PDE11A: variants seen among roughly 807,000 people sequenced by gnomAD.
PDE11A encodes dual 3',5'-cyclic-AMP and -GMP phosphodiesterase 11A.
A neutral mutation model predicts 100.5 loss-of-function variants in PDE11A; 100 were observed. That is an observed-to-expected ratio of 1.00 (90% CI 0.85 to 1.18). The LOEUF is 1.18. PDE11A is among the 50% of genes most tolerant of loss of function. PDE11A has a pLI of 0.00. For synonymous variants in PDE11A, 381 were observed against 420.8 expected, an observed-to-expected ratio of 0.91 and a Z score of 1.16; for missense variants, 1,141 against 1,152.6, an observed-to-expected ratio of 0.99 and a Z score of 0.15.
intron 18 of PDE11A, among the ~76,000 whole-genome samples, chr2:177,665,723 G>A (rs532713514): frequency 6.6e-6 from 1 of 151,512 alleles, no homozygotes; most frequent in Admixed American, 6.6e-5. Flanking sequence ...TGGGTGTGGT[G>A]GTGGGCACCT....
At chr2:177,636,309 T>G (rs2080037379) in intron 19 of PDE11A, among the ~76,000 whole-genome samples, 1 of 152,186 alleles carries the variant, frequency 6.6e-6, no homozygotes, top group South Asian at 2.1e-4. Flanking sequence ...ACACTTGGTA[T>G]CACTGAAGCA....
rs113871611 is a variant in PDE11A at position 177,824,097 on chromosome 2, G to GT, written c.1501-3803dup. On this transcript the variant is annotated intron_variant, in intron 6 of 19. Coordinates refer to ENST00000286063, the MANE Select transcript of PDE11A (RefSeq NM_016953.4). ...TAAAGTACTACAGTTCCCCAAAAGA[G>GT]TTTTTTTTTTTCTTCTGGGAAAGTG... Among the ~76,000 whole-genome samples, 1,402 of 148,674 alleles carry GT rather than the reference G, an allele frequency of 9.4e-3. 12 individuals carry two copies. The highest frequency in any genetic ancestry group is 0.06 in the East Asian group (306 of 5,126).
chr2:178,096,899 T>C (rs2087499404), intron 2 of PDE11A, among the ~76,000 whole-genome samples: 1 of 152,148 alleles, frequency 6.6e-6, no homozygotes, highest in African/African-American at 2.4e-5. Flanking sequence ...ATTTTGTTTT[T>C]TTTTTAAGAC....
At chr2:178,000,206 C>T (rs2086126923) in intron 2 of PDE11A, among the ~76,000 whole-genome samples, 1 of 123,988 alleles carries the variant, frequency 8.1e-6, no homozygotes, top group Non-Finnish European at 1.8e-5. Flanking sequence ...TTCATTTCTG[C>T]CTTCAATTCA....
intron 1 of PDE11A, among the ~76,000 whole-genome samples, chr2:178,048,662 G>T (rs1203308457): frequency 1.3e-5 from 2 of 152,098 alleles, no homozygotes; most frequent in African/African-American, 4.8e-5. Flanking sequence ...AAAGGGACAG[G>T]CCCCTTGCAT....
intron 13 of PDE11A, 126 bp from the exon 14 acceptor site, chr2:177,701,337 C>T (rs1336292677): frequency 1.4e-6 from 1 of 702,178 alleles, no homozygotes; most frequent in African/African-American, 1.8e-5. Flanking sequence ...TAGGTAACTG[C>T]TTTTGTAGTC....
intron 9 of PDE11A, among the ~76,000 whole-genome samples, chr2:177,807,566 G>T (rs773531313): frequency 6.6e-6 from 1 of 151,888 alleles, no homozygotes; most frequent in Non-Finnish European, 1.5e-5. Flanking sequence ...GACTACAAGC[G>T]CATGCCACCA....
intron 2 of PDE11A, among the ~76,000 whole-genome samples, chr2:178,011,214 A>C (rs1008771607): frequency 1.3e-5 from 2 of 152,146 alleles, no homozygotes; most frequent in African/African-American, 4.8e-5. Flanking sequence ...CTTTTCTCTC[A>C]GTGGCTCTGA....
intron 10 of PDE11A, among the ~76,000 whole-genome samples, chr2:177,765,029 T>C (rs561238061): frequency 1.1e-4 from 17 of 152,356 alleles, no homozygotes; most frequent in Non-Finnish European, 2.5e-4. Context: ...TGTTGTTTTA[T>C]CTATTTATTC....
intron 2 of PDE11A, among the ~76,000 whole-genome samples, chr2:178,088,383 ATTC>A (rs1421498837): frequency 6.6e-6 from 1 of 152,212 alleles, no homozygotes; most frequent in Admixed American, 6.5e-5. Context: ...TCAAAAAATT[ATTC>A]TTCTTGAAAA....
intron 6 of PDE11A, among the ~76,000 whole-genome samples, chr2:177,833,970 G>C (rs763779603): frequency 1.3e-5 from 2 of 152,206 alleles, no homozygotes; most frequent in Non-Finnish European, 2.9e-5. Flanking sequence ...GAATGGTGTG[G>C]AGCCACCAGA....
chr2:177,904,383 T>C (rs1410942122), intron 3 of PDE11A, among the ~76,000 whole-genome samples: 5 of 152,164 alleles, frequency 3.3e-5, no homozygotes, highest in Non-Finnish European at 5.9e-5. Context: ...CCAAAAATTG[T>C]TTCAATTCAA....
intron 1 of PDE11A, among the ~76,000 whole-genome samples, chr2:178,024,492 A>G (rs1490716852): frequency 2.6e-5 from 4 of 152,208 alleles, no homozygotes; most frequent in African/African-American, 7.2e-5. Context: ...TTAGAGATTT[A>G]GCTTTTGTTT....
intron 19 of PDE11A, among the ~76,000 whole-genome samples, chr2:177,660,089 TTCTTTCTTTCTCTC>T (rs2080457975): frequency 8.1e-5 from 3 of 37,014 alleles, no homozygotes; most frequent in South Asian, 2.7e-3. Context: ...CTTTCTTTCT[TTCTTTCTTTCTCTC>T]TCTCTCTCTT....
chr2:177,630,302 T>G (rs1016050042), intron 19 of PDE11A, among the ~76,000 whole-genome samples: 2 of 152,254 alleles, frequency 1.3e-5, no homozygotes, highest in East Asian at 3.9e-4. Context: ...GTGCTTAATT[T>G]TGTGTGTGTG....
intron 1 of PDE11A, 49 bp downstream of exon 1, chr2:178,071,477 C>T: frequency 6.2e-7 from 1 of 1,611,674 alleles, no homozygotes; most frequent in Non-Finnish European, 8.5e-7. Flanking sequence ...GAAGGCTTAT[C>T]TCCCAAGCCA....
At chr2:177,641,012 A>C (rs951935913) in intron 19 of PDE11A, among the ~76,000 whole-genome samples, 1 of 152,070 alleles carries the variant, frequency 6.6e-6, no homozygotes, top group Admixed American at 6.6e-5. Context: ...CATCCCCCTG[A>C]CTGTTTTAAA....
At chr2:177,717,352 G>C (rs118047217) in intron 12 of PDE11A, among the ~76,000 whole-genome samples, 1 of 149,314 alleles carries the variant, frequency 6.7e-6, no homozygotes, top group South Asian at 2.1e-4. Context: ...AGGCCTGCAC[G>C]TACTGATATT....
chr2:177,871,250 AG>A (rs1480514918), intron 5 of PDE11A, among the ~76,000 whole-genome samples: 1 of 152,064 alleles, frequency 6.6e-6, no homozygotes, highest in Non-Finnish European at 1.5e-5. Flanking sequence ...GGGGTTGTTT[AG>A]GGGCTAGGCA....
Sources: allele counts gnomAD v4.1 joint callset (sites outside exome capture counted in the v4.1 genomes callset), GRCh38; gene constraint gnomAD v4.1.1; transcripts MANE v1.5; gene names NCBI Gene and HGNC (gene_info 2026-07-23, HGNC 2026-07-21).